GABRR3: variants seen among roughly 807,000 people sequenced by gnomAD.
GABRR3 encodes gamma-aminobutyric acid receptor subunit rho-3.
A neutral mutation model predicts 43.2 loss-of-function variants in GABRR3; 29 were observed. The ratio of observed to expected loss-of-function variants is 0.67; its 90% CI spans 0.50 to 0.92. The LOEUF (loss-of-function observed/expected upper bound fraction) is 0.92, where lower values mean the gene tolerates loss of function less well. GABRR3 is among the 40% of genes least tolerant of loss of function. The probability of loss-of-function intolerance (pLI) is 0.00; values close to 1 mark genes in which losing one functional copy is unlikely to be tolerated. For synonymous variants in GABRR3, 206 were observed against 195.9 expected (o/e 1.05, Z -0.43); for missense variants, 576 against 572.3 (o/e 1.01, Z -0.07).
At chr3:97,988,060 C>T (rs946703569) in intron 9 of GABRR3, among the ~76,000 whole-genome samples, 1 of 151,946 alleles carries the variant, frequency 6.6e-6, no homozygotes, top group African/African-American at 2.4e-5. Flanking sequence ...CCATGGCTCC[C>T]CCGACACCAG....
At chr3:97,985,773 T>C (rs148426808), downstream of GABRR3, among the ~76,000 whole-genome samples, 42 of 152,238 alleles carry the variant, frequency 2.8e-4, no homozygotes, top group African/African-American at 9.9e-4. Flanking sequence ...AATTTAACAT[T>C]AGAATGAGAA....
chr3:98,035,256 C>G (rs990837265), exon 1 of GABRR3: 1 of 405,518 alleles, frequency 2.5e-6, no homozygotes, highest in East Asian at 4.6e-5. Flanking sequence ...ATCCTTTGGT[C>G]CCTTTTTCCG....
chr3:98,018,447 T>C (rs1358616341), intron 3 of GABRR3, among the ~76,000 whole-genome samples: 2 of 152,162 alleles, frequency 1.3e-5, no homozygotes, highest in African/African-American at 4.8e-5. Flanking sequence ...CTGCTGACAC[T>C]TGTACAGTTG....
At chr3:98,016,014 C>G (rs188412357) in intron 4 of GABRR3, among the ~76,000 whole-genome samples, 1 of 152,170 alleles carries the variant, frequency 6.6e-6, no homozygotes, top group East Asian at 1.9e-4. Context: ...GAAGAAAGCA[C>G]CTTCTTCACA....
intron 8 of GABRR3, chr3:97,998,919 A>C (rs2107230482): frequency 6.6e-6 from 1 of 152,254 alleles, no homozygotes; most frequent in East Asian, 1.9e-4. Flanking sequence ...TTAACATCTA[A>C]TATGGCTAAT....
intron 9 of GABRR3, among the ~76,000 whole-genome samples, chr3:97,991,728 T>G (rs1044973296): frequency 1.3e-5 from 2 of 152,132 alleles, no homozygotes; most frequent in African/African-American, 2.4e-5. Context: ...AGATCTATAC[T>G]GGGGGCTGAC....
intron 4 of GABRR3, among the ~76,000 whole-genome samples, chr3:98,016,878 G>T (rs1706878117): frequency 6.6e-6 from 1 of 151,948 alleles, no homozygotes; most frequent in Non-Finnish European, 1.5e-5. Flanking sequence ...TGGGAATAGA[G>T]AAAATAAAAT....
intron 8 of GABRR3, 89 bp downstream of exon 8, chr3:98,001,526 T>C (rs1037018054): frequency 6.4e-5 from 89 of 1,384,118 alleles, no homozygotes; most frequent in Non-Finnish European, 8.5e-5. Context: ...ACCACCACTC[T>C]CTTTTCCTCT....
At chr3:97,988,846 TTGA>T (rs1447773212) in intron 9 of GABRR3, among the ~76,000 whole-genome samples, 1 of 145,112 alleles carries the variant, frequency 6.9e-6, no homozygotes, top group African/African-American at 2.6e-5. Flanking sequence ...ATGGTGACAG[TTGA>T]TGGTGAGTGG....
intron 5 of GABRR3, among the ~76,000 whole-genome samples, chr3:98,011,312 C>T (rs1281930852): frequency 6.6e-6 from 1 of 152,166 alleles, no homozygotes; most frequent in African/African-American, 2.4e-5. Context: ...GAAATTTATT[C>T]TCTCACAGAT....
chr3:98,026,134 C>A (rs1222157174), intron 2 of GABRR3, among the ~76,000 whole-genome samples: 2 of 152,072 alleles, frequency 1.3e-5, no homozygotes, highest in Admixed American at 6.5e-5. Flanking sequence ...ACGAAGACAG[C>A]GAGAAAACGA....
chr3:98,014,656 C>A (rs979858119), intron 4 of GABRR3, among the ~76,000 whole-genome samples: 29 of 152,118 alleles, frequency 1.9e-4, no homozygotes, highest in African/African-American at 7.0e-4. Flanking sequence ...GAAGAGTTTA[C>A]AGACTGAAAC....
Position 98,001,773 on chromosome 3 carries a change from G to T in GABRR3, c.755-6C>A. On this transcript the variant is annotated splice_polypyrimidine_tract_variant and splice_region_variant and intron_variant, in intron 7 of 9. Transcript: ENST00000621172. Reference sequence around the variant, plus strand: ...GAAAAGCCTATTGTACCAACCTGTGGAAAAAAGCCAAAGTTTTCATTAGAG... The same window carrying T: ...GAAAAGCCTATTGTACCAACCTGTGTAAAAAAGCCAAAGTTTTCATTAGAG... 1.2e-6 allele frequency: 2 copies of T among 1,612,272 alleles called. No homozygotes were observed. Among genetic ancestry groups the T allele is most frequent in the African/African-American group, 2.7e-5 (2 of 74,876 alleles).
intron 9 of GABRR3, among the ~76,000 whole-genome samples, chr3:97,987,738 G>A (rs1234294502): frequency 6.6e-6 from 1 of 151,970 alleles, no homozygotes; most frequent in African/African-American, 2.4e-5. Context: ...GAGTTATGTT[G>A]TCCCTTTTTA....
At chr3:98,019,555 T>C (rs1442008549) in intron 3 of GABRR3, among the ~76,000 whole-genome samples, 1 of 152,134 alleles carries the variant, frequency 6.6e-6, no homozygotes, top group Non-Finnish European at 1.5e-5. Context: ...CCTGACATAT[T>C]GGATCAATTA....
intron 4 of GABRR3, among the ~76,000 whole-genome samples, chr3:98,016,373 AC>A (rs1196824832): frequency 2.0e-5 from 3 of 149,390 alleles, no homozygotes; most frequent in African/African-American, 2.5e-5. Flanking sequence ...TACCTCCCCC[AC>A]CCCCCATTCC....
At chr3:98,008,931 C>T (rs781531160) in intron 6 of GABRR3, 25 bp downstream of exon 6, 6 of 1,438,486 alleles carry the variant, frequency 4.2e-6, no homozygotes, top group Non-Finnish European at 9.7e-7. Flanking sequence ...GATGTGCACT[C>T]ACTCCACCAG....
Position 98,008,054 on chromosome 3 carries a change from C to T in GABRR3, c.614-150G>A, listed in dbSNP as rs771367534. The T allele has an allele frequency of 1.6e-4, 98 of 631,322 alleles. 1 individual carries two copies. The highest frequency in any genetic ancestry group is 2.4e-4 in the Non-Finnish European group (90 of 378,360). The allele number at this position is 631,322 out of a possible 1,614,324, so 39.1% of individuals were successfully genotyped here. A position where few individuals can be genotyped will look rare whatever the true frequency, so the allele number is the denominator to read the frequency against. ...TGATAAAAATATGTTTGCCAATGGA[C>T]TGATCATACACACACTTTTAGGAGG... On this transcript the variant is annotated intron_variant, in intron 6 of 9. Coordinates refer to ENST00000621172, the Ensembl canonical transcript of GABRR3.
intron 8 of GABRR3, among the ~76,000 whole-genome samples, chr3:97,994,918 C>T (rs143614102): frequency 6.6e-6 from 1 of 152,290 alleles, no homozygotes; most frequent in South Asian, 2.1e-4. Flanking sequence ...CAAGATTTCA[C>T]TGGCAGGAAG....
Sources: gnomAD v4.1 joint callset for allele counts (sites outside exome capture counted in the v4.1 genomes callset) on GRCh38, gnomAD v4.1.1 for gene constraint, MANE v1.5 for transcripts, NCBI Gene and HGNC (gene_info 2026-07-23, HGNC 2026-07-21) for gene names.